Variants in ELMO1 observed in about 807,000 individuals in gnomAD.
ELMO1 encodes engulfment and cell motility 1.
Under a neutral mutation model 98.9 loss-of-function variants are expected in ELMO1, and 26 were observed. That is an observed-to-expected ratio of 0.26 (90% CI 0.19 to 0.36). The LOEUF is 0.36. Ranked by LOEUF, ELMO1 falls within the 10% of genes least tolerant of loss-of-function variation. The pLI, the probability that ELMO1 is intolerant of heterozygous loss-of-function variation, is 1.00. For synonymous variants in ELMO1, 346 were observed against 346.0 expected (o/e 1.00, Z 0.00); for missense variants, 627 against 935.2 (o/e 0.67, Z 4.30).
At chr7:37,121,526 C>T (rs562330584) in intron 14 of ELMO1, among the ~76,000 whole-genome samples, 26 of 151,798 alleles carry the variant, frequency 1.7e-4, no homozygotes, top group African/African-American at 3.9e-4. Context: ...AGGGTATCAG[C>T]GATGGAAGAT....
rs1554427487 is a variant in ELMO1 at position 37,155,496 on chromosome 7, A to AGAAAT, written c.1087-22263_1087-22262insATTTC. ...AGAAGCAAACGGAAAGCAAAAAAAAAAAAAAAAAAAAAGCAGGTGTTGCAA... is the reference window on the plus strand; with the variant it reads ...AGAAGCAAACGGAAAGCAAAAAAAAAGAAATAAAAAAAAAAAAGCAGGTGTTGCAA... On this transcript the variant is annotated intron_variant, in intron 13 of 21. Transcript: ENST00000310758. 2.4e-5 allele frequency among the ~76,000 whole-genome samples: 3 copies of AGAAAT among 127,220 alleles called. 1 individual carries two copies. The East Asian group carries it at 5.8e-4, about 25-fold the overall frequency. 83.5% of individuals were successfully genotyped at this position (127,220 alleles called of 152,430 possible). A position where few individuals can be genotyped will look rare whatever the true frequency, so the allele number is the denominator to read the frequency against.
intron 16 of ELMO1, among the ~76,000 whole-genome samples, chr7:36,914,539 G>C: frequency 6.7e-6 from 1 of 149,520 alleles, no homozygotes; most frequent in African/African-American, 2.5e-5. Flanking sequence ...TTTTGAGACG[G>C]AGTCTCACTC....
chr7:37,339,574 C>T (rs1167776653), intron 2 of ELMO1, among the ~76,000 whole-genome samples: 2 of 152,114 alleles, frequency 1.3e-5, no homozygotes, highest in African/African-American at 4.8e-5. Context: ...GGAGAAAACC[C>T]AAGTAATAAT....
At chr7:37,322,622 C>CAA (rs574986239) in intron 2 of ELMO1, among the ~76,000 whole-genome samples, 20 of 128,792 alleles carry the variant, frequency 1.6e-4, no homozygotes, top group East Asian at 4.5e-4. Context: ...ACTCTCTCTC[C>CAA]AAAAAAAAAA....
intron 13 of ELMO1, among the ~76,000 whole-genome samples, chr7:37,154,622 T>A (rs2129321813): frequency 1.3e-5 from 2 of 151,460 alleles, no homozygotes; most frequent in South Asian, 2.1e-4. Flanking sequence ...GAGAAAAGAG[T>A]GAAAAGAAAC....
At chr7:37,397,772 T>C (rs568450091) in intron 1 of ELMO1, among the ~76,000 whole-genome samples, 22 of 152,158 alleles carry the variant, frequency 1.4e-4, no homozygotes, top group Admixed American at 5.2e-4. Context: ...AACGATCGAC[T>C]GGATAAAGAA....
At chr7:37,233,034 G>A in intron 8 of ELMO1, 61 bp downstream of exon 8, 1 of 1,388,062 alleles carries the variant, frequency 7.2e-7, no homozygotes, top group Non-Finnish European at 1.0e-6. Flanking sequence ...CCTCAAAGCA[G>A]AGAAAAATAG....
intron 1 of ELMO1, among the ~76,000 whole-genome samples, chr7:37,373,308 T>C (rs938966585): frequency 3.9e-5 from 6 of 152,246 alleles, no homozygotes; most frequent in Admixed American, 2.6e-4. Context: ...ATTTTTCCAT[T>C]AAAAGAATTA....
chr7:37,387,850 G>A (rs972586814), intron 1 of ELMO1, among the ~76,000 whole-genome samples: 6 of 152,034 alleles, frequency 3.9e-5, no homozygotes, highest in African/African-American at 1.4e-4. Context: ...ATTTTACTTT[G>A]AGACAGGCCC....
At chr7:36,865,142 G>C (rs140182163) in intron 20 of ELMO1, among the ~76,000 whole-genome samples, 20 of 152,264 alleles carry the variant, frequency 1.3e-4, no homozygotes, top group African/African-American at 4.8e-4. Flanking sequence ...TGCAGTGTTG[G>C]CTGCCAATCC....
chr7:37,399,191 G>C (rs139866042), intron 1 of ELMO1, among the ~76,000 whole-genome samples: 1 of 152,338 alleles, frequency 6.6e-6, no homozygotes, highest in Non-Finnish European at 1.5e-5. Flanking sequence ...GCTCTGCCAG[G>C]AAATGCCCAT....
chr7:36,862,059 C>T, intron 20 of ELMO1: 2 of 304,914 alleles, frequency 6.6e-6, no homozygotes, highest in East Asian at 5.9e-5. Flanking sequence ...TCGCCCGCCA[C>T]CAAAACTGTG....
intron 4 of ELMO1, among the ~76,000 whole-genome samples, chr7:37,273,679 T>G (rs1208849202): frequency 6.6e-6 from 1 of 152,258 alleles, no homozygotes; most frequent in African/African-American, 2.4e-5. Flanking sequence ...CTTCCAGGAC[T>G]CACCGTGGTC....
chr7:37,032,646 G>A (rs1010310202), intron 15 of ELMO1, among the ~76,000 whole-genome samples: 1 of 152,184 alleles, frequency 6.6e-6, no homozygotes, highest in African/African-American at 2.4e-5. Context: ...CAAGCAGTGA[G>A]CATGAAGCAA....
chr7:37,213,889 G>A (rs555513426), intron 11 of ELMO1, among the ~76,000 whole-genome samples: 3 of 152,292 alleles, frequency 2.0e-5, no homozygotes, highest in East Asian at 3.9e-4. Context: ...TCTGACAGGT[G>A]AGCCCACTTC....
Position 36,855,694 on chromosome 7 carries a change from G to C in ELMO1, c.2041C>G (p.Leu681Val). 6.2e-7 allele frequency: 1 copy of C among 1,614,130 alleles called. No homozygotes were observed. Among genetic ancestry groups the C allele is most frequent in the South Asian group, 1.1e-5 (1 of 91,086 alleles). The change falls in exon 22 of 22, where the codon CTG becomes GTG. Residue 681 changes from leucine (L) to valine (V), a missense_variant. Transcript: ENST00000310758. This position sits in a 1 kb window ranked among gnomAD's most constrained non-coding sequence, Gnocchi z 4.2. ...AGGGTGTCCAGGTCATTCCGCGTCA[G>C]GTCGCTCATCATGTCCTTCCCGAGT... ...ALLGKDMMSD[L>V]TRNDLDTLLS...
At chr7:37,124,404 A>G (rs1490958948) in intron 14 of ELMO1, among the ~76,000 whole-genome samples, 1 of 152,166 alleles carries the variant, frequency 6.6e-6, no homozygotes, top group Non-Finnish European at 1.5e-5. Flanking sequence ...TCAGCCCAAA[A>G]TCTCCTTAAG....
At chr7:36,958,868 A>G (rs1009927357) in intron 16 of ELMO1, among the ~76,000 whole-genome samples, 4 of 151,834 alleles carry the variant, frequency 2.6e-5, no homozygotes, top group Non-Finnish European at 5.9e-5. Flanking sequence ...TCTAGTATCA[A>G]TTATGTGTGA....
At chr7:36,890,982 C>T (rs1231770126) in intron 17 of ELMO1, among the ~76,000 whole-genome samples, 1 of 152,326 alleles carries the variant, frequency 6.6e-6, no homozygotes, top group East Asian at 1.9e-4. Context: ...GTGGTTCTCC[C>T]TGTCTGGAGT....
Sources: gnomAD v4.1 joint callset for allele counts (sites outside exome capture counted in the v4.1 genomes callset) on GRCh38, gnomAD v4.1.1 for gene constraint, Gnocchi (gnomAD v3.1) non-coding constraint, MANE v1.5 for transcripts, NCBI Gene and HGNC (gene_info 2026-07-23, HGNC 2026-07-21) for gene names.